Variants in SPECC1 observed in about 807,000 individuals in gnomAD.
SPECC1 encodes the protein sperm antigen with calponin homology and coiled-coil domains 1.
SPECC1 carries 62 observed loss-of-function variants against 104.1 expected under a neutral mutation model. The observed-to-expected ratio is 0.60, with a 90% CI of 0.49 to 0.74. The LOEUF (loss-of-function observed/expected upper bound fraction) is 0.74. SPECC1 is among the 30% of genes least tolerant of loss of function. The pLI, the probability that SPECC1 is intolerant of heterozygous loss-of-function variation, is 0.00. For synonymous variants in SPECC1, 513 were observed against 501.6 expected (o/e 1.02, Z -0.30); for missense variants, 1,306 against 1,310.5 (o/e 1.00, Z 0.05).
intron 3 of SPECC1, among the ~76,000 whole-genome samples, chr17:20,136,837 T>C (rs1373629288): frequency 6.6e-6 from 1 of 152,230 alleles, no homozygotes; most frequent in Non-Finnish European, 1.5e-5. Context: ...TGGTTACTGA[T>C]AGCAGTTCAC....
intron 7 of SPECC1, chr17:20,239,552 A>G (rs1456488726): frequency 1.3e-5 from 2 of 156,892 alleles, no homozygotes; most frequent in South Asian, 2.0e-4. Context: ...ATATTAAAAT[A>G]TTGTCTTACT....
intron 3 of SPECC1, among the ~76,000 whole-genome samples, chr17:20,130,133 T>C (rs12936443): frequency 6.6e-6 from 1 of 152,068 alleles, no homozygotes; most frequent in Non-Finnish European, 1.5e-5. Context: ...TTAAGTGTGT[T>C]ATTCATTTTT....
intron 3 of SPECC1, chr17:20,112,569 T>C: frequency 1.2e-6 from 1 of 815,718 alleles, no homozygotes; most frequent in Non-Finnish European, 2.2e-6. Flanking sequence ...CGCTGCAGTC[T>C]TGCACATGCA....
At chr17:20,047,955 C>T (rs1233312103) in intron 1 of SPECC1, among the ~76,000 whole-genome samples, 2 of 152,136 alleles carry the variant, frequency 1.3e-5, no homozygotes, top group East Asian at 1.9e-4. Flanking sequence ...TCACTTCTTA[C>T]CCTTCTTCAC....
chr17:20,129,952 C>T (rs2152546189), intron 3 of SPECC1, among the ~76,000 whole-genome samples: 1 of 151,656 alleles, frequency 6.6e-6, no homozygotes, highest in Middle Eastern at 3.4e-3. Context: ...CTGGGTTTCA[C>T]TATGTTGCTC....
At chr17:20,190,394 G>GCTGCTGCC (rs71312905) in intron 3 of SPECC1, among the ~76,000 whole-genome samples, 66,126 of 151,158 alleles carry the variant, frequency 0.44, 14,953 homozygotes, top group East Asian at 0.8. Flanking sequence ...AAGCAAGACT[G>GCTGCTGCC]CTGCTGCCCT....
At chr17:20,055,176 G>A (rs913858732) in intron 1 of SPECC1, among the ~76,000 whole-genome samples, 4 of 151,914 alleles carry the variant, frequency 2.6e-5, no homozygotes, top group South Asian at 4.1e-4. Context: ...AAGTGGAGTC[G>A]TGCAGTATTT....
intron 1 of SPECC1, among the ~76,000 whole-genome samples, chr17:20,072,042 C>T (rs898316210): frequency 2.0e-5 from 3 of 152,204 alleles, no homozygotes; most frequent in Non-Finnish European, 2.9e-5. Flanking sequence ...TCCCTCTCCA[C>T]GGCCAATGGG....
intron 1 of SPECC1, among the ~76,000 whole-genome samples, chr17:20,033,727 C>T (rs577772512): frequency 1.1e-4 from 17 of 152,294 alleles, no homozygotes; most frequent in African/African-American, 3.6e-4. Flanking sequence ...AGGGATATGC[C>T]ACCCCCATGA....
chr17:20,065,487 G>A (rs145790312), intron 1 of SPECC1, among the ~76,000 whole-genome samples: 3 of 152,312 alleles, frequency 2.0e-5, no homozygotes, highest in African/African-American at 4.8e-5. Flanking sequence ...TATCGCAAAG[G>A]ATACAGATGA....
chr17:20,195,046 C>A (rs747923424), intron 3 of SPECC1, among the ~76,000 whole-genome samples: 2 of 152,128 alleles, frequency 1.3e-5, no homozygotes, highest in Non-Finnish European at 2.9e-5. Flanking sequence ...AATATTACTT[C>A]CGTTTTTTAT....
At chr17:20,267,649 A>C (rs142172120) in intron 12 of SPECC1, among the ~76,000 whole-genome samples, 22 of 152,238 alleles carry the variant, frequency 1.4e-4, no homozygotes, top group Admixed American at 9.2e-4. Flanking sequence ...GGCACGTGAG[A>C]AGGAGCCAAG....
At chr17:20,166,887 C>T (rs967386629) in intron 3 of SPECC1, among the ~76,000 whole-genome samples, 4 of 151,820 alleles carry the variant, frequency 2.6e-5, no homozygotes, top group African/African-American at 9.7e-5. Flanking sequence ...GTGAGAGGAC[C>T]GCTTGAGGCC....
intron 3 of SPECC1, among the ~76,000 whole-genome samples, chr17:20,141,280 T>C (rs562850136): frequency 1.1e-4 from 17 of 152,280 alleles, no homozygotes; most frequent in African/African-American, 4.1e-4. Flanking sequence ...GCCTAATAAC[T>C]CTCTGTTGCC....
intron 3 of SPECC1, chr17:20,112,580 A>C (rs2048546708): frequency 1.2e-6 from 1 of 835,396 alleles, no homozygotes; most frequent in South Asian, 1.3e-5. Flanking sequence ...TGCACATGCA[A>C]ATCTTTGCTG....
intron 12 of SPECC1, among the ~76,000 whole-genome samples, chr17:20,281,401 C>T (rs932304664): frequency 3.9e-5 from 6 of 152,218 alleles, no homozygotes; most frequent in African/African-American, 1.4e-4. Flanking sequence ...CTCCTGCACA[C>T]CCCAGGCTCA....
In SPECC1 at chr17:20,050,199, C is replaced by T. The variant is rs373691704; in HGVS notation, c.-22+40775C>T. Reference sequence around the variant, plus strand: ...GTAATAAACCTGCATGTTGTGCACACGTACCCTAGAACTTAAAACTATAAT... The same window carrying T: ...GTAATAAACCTGCATGTTGTGCACATGTACCCTAGAACTTAAAACTATAAT... On this transcript the variant is annotated intron_variant, in intron 1 of 14. Transcript: ENST00000395527. Among the ~76,000 whole-genome samples the T allele has an allele frequency of 3.7e-4, 57 of 152,228 alleles. No homozygotes were observed. In the South Asian group the frequency reaches 0.01, roughly 27 times the overall value.
intron 1 of SPECC1, among the ~76,000 whole-genome samples, chr17:20,035,733 T>C (rs2045045460): frequency 4.6e-5 from 7 of 152,188 alleles, no homozygotes. Context: ...ACAATCCTCC[T>C]TTGTCCAGCT....
chr17:20,106,088 G>A (rs1381657575), intron 2 of SPECC1, among the ~76,000 whole-genome samples: 1 of 152,216 alleles, frequency 6.6e-6, no homozygotes, highest in Non-Finnish European at 1.5e-5. Context: ...AATCCACCGT[G>A]TATGGCTTGC....
Sources: gnomAD v4.1 joint callset for allele counts (sites outside exome capture counted in the v4.1 genomes callset) on GRCh38, gnomAD v4.1.1 for gene constraint, MANE v1.5 for transcripts, NCBI Gene and HGNC (gene_info 2026-07-23, HGNC 2026-07-21) for gene names.